The following MALRD1 variants were observed in gnomAD, a reference collection of about 807,000 sequenced individuals.
MALRD1 encodes the protein MAM and LDL-receptor class A domain-containing protein 1.
In MALRD1, 247 loss-of-function variants were observed where a neutral mutation model predicts 242.1. That is an observed-to-expected ratio of 1.02 (90% confidence interval 0.92 to 1.13). The LOEUF (loss-of-function observed/expected upper bound fraction) is 1.13, where lower values mean the gene tolerates loss of function less well. Ranked by LOEUF, MALRD1 falls within the 50% of genes most tolerant of loss-of-function variation. MALRD1 has a pLI of 0.00. For missense variants in MALRD1, 2,989 were observed against 2,533.1 expected, an observed-to-expected ratio of 1.18 and a Z score of -3.86; for synonymous variants, 995 against 866.6, an observed-to-expected ratio of 1.15 and a Z score of -2.60.
intron 12 of MALRD1, among the ~76,000 whole-genome samples, chr10:19,164,719 A>G (rs1044028733): frequency 2.6e-5 from 4 of 152,190 alleles, no homozygotes; most frequent in Admixed American, 2.0e-4. Flanking sequence ...CTCAGTAAAT[A>G]TTGGTTGAAT....
chr10:19,279,493 G>A (rs1840702218), intron 19 of MALRD1, among the ~76,000 whole-genome samples: 2 of 152,120 alleles, frequency 1.3e-5, no homozygotes, highest in Non-Finnish European at 2.9e-5. Flanking sequence ...TAATAAATCA[G>A]TCAACATCTA....
At chr10:19,242,954 C>T (rs1484271143) in intron 18 of MALRD1, among the ~76,000 whole-genome samples, 1 of 151,890 alleles carries the variant, frequency 6.6e-6, no homozygotes, top group Non-Finnish European at 1.5e-5. Context: ...GGACTTCCTT[C>T]TACCATTTCA....
chr10:19,238,495 TATA>T (rs1383949000), intron 18 of MALRD1, among the ~76,000 whole-genome samples: 5 of 8,220 alleles, frequency 6.1e-4, no homozygotes, highest in African/African-American at 2.5e-3. Flanking sequence ...ATATATAATA[TATA>T]ATATAATATA....
At chr10:19,294,104 G>T (rs1181585319) in intron 21 of MALRD1, among the ~76,000 whole-genome samples, 2 of 152,048 alleles carry the variant, frequency 1.3e-5, no homozygotes. Context: ...CAGCATTTTT[G>T]ACTAATAATA....
At position 19,651,117 on chromosome 10, in the gene MALRD1, C is replaced by A. The variant is rs543999864; in HGVS notation, c.6137+35194C>A. On this transcript the variant is annotated intron_variant, in intron 36 of 39. Coordinates refer to ENST00000454679, the MANE Select transcript of MALRD1 (RefSeq NM_001142308.3). ...ACACAATACCATTTCTCTTCTTTTTCTCTGTTTAAAAAATTGTTAAATGGC... is the reference window on the plus strand; with the variant it reads ...ACACAATACCATTTCTCTTCTTTTTATCTGTTTAAAAAATTGTTAAATGGC... Among the ~76,000 whole-genome samples, 421 of 152,252 alleles carry A rather than the reference C, an allele frequency of 2.8e-3. 1 individual carries two copies. The highest frequency in any genetic ancestry group is 9.8e-3 in the African/African-American group (406 of 41,564).
At chr10:19,543,717 C>T (rs1347771008) in intron 32 of MALRD1, among the ~76,000 whole-genome samples, 5 of 152,124 alleles carry the variant, frequency 3.3e-5, no homozygotes, top group East Asian at 1.9e-4. Context: ...CACTAATCCA[C>T]GTTATTTCTG....
chr10:19,076,719 G>A (rs2884423), intron 2 of MALRD1, among the ~76,000 whole-genome samples: 37,689 of 151,736 alleles, frequency 0.25, 4,953 homozygotes, highest in East Asian at 0.35. Flanking sequence ...AAGTTACTAG[G>A]GAAGAGTAAG....
At chr10:19,168,206 G>A (rs573789047) in intron 13 of MALRD1, among the ~76,000 whole-genome samples, 4 of 152,258 alleles carry the variant, frequency 2.6e-5, no homozygotes, top group South Asian at 4.1e-4. Flanking sequence ...GGACAAAGAC[G>A]TCATGAATAC....
At chr10:19,419,115 T>A (rs1421967902) in intron 28 of MALRD1, among the ~76,000 whole-genome samples, 2 of 152,176 alleles carry the variant, frequency 1.3e-5, no homozygotes, top group Non-Finnish European at 2.9e-5. Context: ...CTCCATCCTT[T>A]GCCACCTGAC....
intron 1 of MALRD1, among the ~76,000 whole-genome samples, chr10:19,058,132 C>A (rs1834721209): frequency 6.6e-6 from 1 of 152,088 alleles, no homozygotes; most frequent in Non-Finnish European, 1.5e-5. Flanking sequence ...ATTGTTGTTC[C>A]TATTTTACGG....
intron 38 of MALRD1, among the ~76,000 whole-genome samples, chr10:19,699,277 AGAAAGGAGG>A (rs71388858): frequency 0.016 from 2,304 of 144,524 alleles, 38 homozygotes; most frequent in African/African-American, 0.037. Flanking sequence ...TGTACTGTGG[AGAAAGGAGG>A]GAAAGGAGGG....
Position 19,171,571 on chromosome 10 carries a change from CACAT to C in MALRD1, c.1831-3635_1831-3632del, listed in dbSNP as rs1281241077. Among the ~76,000 whole-genome samples the C allele has an allele frequency of 4.9e-3, 688 of 139,096 alleles. 26 individuals carry two copies. Among genetic ancestry groups the C allele is most frequent in the African/African-American group, 0.017 (648 of 37,490 alleles). 91.3% of individuals were successfully genotyped at this position (139,096 alleles called of 152,430 possible). The stretch of plus-strand genomic sequence containing the variant: ...CTATGTGTGTATATAAATACACACA[CACAT>C]ATATATGTCTATGTGTGTATATAAA... On this transcript the variant is annotated intron_variant, in intron 13 of 39. Transcript: ENST00000454679.
intron 2 of MALRD1, among the ~76,000 whole-genome samples, chr10:19,084,318 T>C (rs1355010594): frequency 6.6e-6 from 1 of 151,986 alleles, no homozygotes; most frequent in African/African-American, 2.4e-5. Flanking sequence ...ACTATGTGTT[T>C]GTCAGAAATT....
At chr10:19,647,315 G>A (rs999388249) in intron 36 of MALRD1, among the ~76,000 whole-genome samples, 1 of 152,132 alleles carries the variant, frequency 6.6e-6, no homozygotes, top group African/African-American at 2.4e-5. Flanking sequence ...CATTTCTACT[G>A]TGTTTTGCTT....
At chr10:19,529,248 A>T (rs1009097449) in intron 31 of MALRD1, among the ~76,000 whole-genome samples, 2 of 152,194 alleles carry the variant, frequency 1.3e-5, no homozygotes, top group African/African-American at 4.8e-5. Flanking sequence ...GGGGAATAGA[A>T]ATGCCCAATT....
intron 14 of MALRD1, among the ~76,000 whole-genome samples, chr10:19,196,031 C>T (rs1836226909): frequency 6.6e-6 from 1 of 152,180 alleles, no homozygotes; most frequent in South Asian, 2.1e-4. Context: ...AGTTCCAGCA[C>T]CACTTCTACC....
chr10:19,660,399 A>G (rs144059208), intron 36 of MALRD1, among the ~76,000 whole-genome samples: 128 of 152,310 alleles, frequency 8.4e-4, no homozygotes, highest in African/African-American at 2.9e-3. Flanking sequence ...TGACCAAGGT[A>G]GATGGTACTA....
intron 19 of MALRD1, among the ~76,000 whole-genome samples, chr10:19,264,248 A>G (rs1171595733): frequency 3.9e-5 from 6 of 152,128 alleles, no homozygotes; most frequent in Admixed American, 3.9e-4. Context: ...TAATTTTCAT[A>G]TGTTGAACCA....
intron 18 of MALRD1, among the ~76,000 whole-genome samples, chr10:19,217,487 G>T (rs565369027): frequency 6.7e-6 from 1 of 150,112 alleles, no homozygotes; most frequent in African/African-American, 2.5e-5. Context: ...GGGATTAGCT[G>T]CTCATTCCTT....
Sources: gnomAD v4.1 joint callset for allele counts (sites outside exome capture counted in the v4.1 genomes callset) on GRCh38, gnomAD v4.1.1 for gene constraint, MANE v1.5 for transcripts, NCBI Gene and HGNC (gene_info 2026-07-23, HGNC 2026-07-21) for gene names.